Variants in DYRK1A observed in about 807,000 individuals in gnomAD.
DYRK1A encodes dual specificity tyrosine-phosphorylation-regulated kinase 1A.
Under a neutral mutation model 79.7 loss-of-function variants are expected in DYRK1A, and 9 were observed. The observed-to-expected ratio is 0.11, with a 90% confidence interval of 0.07 to 0.20. The LOEUF (loss-of-function observed/expected upper bound fraction) is 0.20, where lower values mean the gene tolerates loss of function less well. DYRK1A is among the 10% of genes least tolerant of loss of function. DYRK1A has a pLI of 1.00. For synonymous variants in DYRK1A, 349 were observed against 329.7 expected, an observed-to-expected ratio of 1.06 and a Z score of -0.63; for missense variants, 622 against 956.0, an observed-to-expected ratio of 0.65 and a Z score of 4.61.
chr21:37,415,096 A>C (rs1160035341), intron 1 of DYRK1A, among the ~76,000 whole-genome samples: 1 of 152,050 alleles, frequency 6.6e-6, no homozygotes, highest in African/African-American at 2.4e-5. Flanking sequence ...GTTTTCCTCT[A>C]TTTGTTGGTA....
intron 2 of DYRK1A, chr21:37,425,670 A>T (rs540400726): frequency 2.0e-5 from 3 of 152,196 alleles, no homozygotes; most frequent in African/African-American, 4.8e-5. Flanking sequence ...TAGTTTTAAA[A>T]TTTTCCCATT....
intron 2 of DYRK1A, among the ~76,000 whole-genome samples, chr21:37,434,723 ATATT>A (rs754428851): frequency 7.2e-5 from 11 of 152,310 alleles, no homozygotes; most frequent in Non-Finnish European, 1.5e-4. Context: ...TTGAAGCTAT[ATATT>A]AAAGTTTGTC....
intron 1 of DYRK1A, among the ~76,000 whole-genome samples, chr21:37,404,694 A>G (rs927724677): frequency 1.3e-5 from 2 of 152,196 alleles, no homozygotes; most frequent in Admixed American, 6.5e-5. Context: ...GTCTTGGGCT[A>G]CCATTTGTTG....
chr21:37,510,980 G>A (rs1249226850), intron 11 of DYRK1A, among the ~76,000 whole-genome samples: 2 of 152,122 alleles, frequency 1.3e-5, no homozygotes, highest in South Asian at 2.1e-4. Flanking sequence ...GAGTGGTCAG[G>A]GAAGGCTCTG....
chr21:37,376,790 C>T (rs2049550707), intron 1 of DYRK1A, among the ~76,000 whole-genome samples: 1 of 151,702 alleles, frequency 6.6e-6, no homozygotes, highest in South Asian at 2.1e-4. Flanking sequence ...CTAGGATATT[C>T]TAGTTTTTAA....
At chr21:37,478,130 A>G in intron 3 of DYRK1A, 78 bp from the exon 4 acceptor site, 1 of 1,587,410 alleles carries the variant, frequency 6.3e-7, no homozygotes, top group Middle Eastern at 1.7e-4. Context: ...GTTACAGAAG[A>G]GGGAATTTAT....
At chr21:37,398,207 A>C (rs2148396857) in intron 1 of DYRK1A, among the ~76,000 whole-genome samples, 1 of 151,498 alleles carries the variant, frequency 6.6e-6, no homozygotes, top group South Asian at 2.1e-4. Flanking sequence ...AGCCTGGCAC[A>C]GTGGCAGGCA....
At chr21:37,430,170 C>T (rs1437119971) in intron 2 of DYRK1A, 1 of 408,454 alleles carries the variant, frequency 2.4e-6, no homozygotes, top group Non-Finnish European at 3.3e-6. Context: ...TTCTTTTTAC[C>T]TCACAGCTGT....
chr21:37,480,509 G>GT, intron 4 of DYRK1A, 129 bp from the exon 5 acceptor site: 2 of 648,362 alleles, frequency 3.1e-6, no homozygotes, highest in South Asian at 3.4e-5. Flanking sequence ...TTTTTCATTG[G>GT]TTAGATCAGT....
At chr21:37,411,049 TAAAAAAAA>T (rs35292922) in intron 1 of DYRK1A, among the ~76,000 whole-genome samples, 24 of 56,442 alleles carry the variant, frequency 4.3e-4, no homozygotes, top group East Asian at 2.4e-3. Flanking sequence ...ATTCTGTCTT[TAAAAAAAA>T]AAAAAAAAAA....
At position 37,367,361 on chromosome 21, in the gene DYRK1A, G is replaced by C. The variant is rs1247096960; in HGVS notation, c.-344G>C. On this transcript the variant is annotated 5_prime_UTR_variant, in exon 1 of 12. Transcript: ENST00000647188. ...CGCCGCCCTCTGCGCCGGGCCGGCC[G>C]TGCGGCCCCGCCGCCTGGAATCGGG... 3.4e-5 allele frequency: 5 copies of C among 145,800 alleles called. No individual in the cohort carries two copies. Among genetic ancestry groups the C allele is most frequent in the African/African-American group, 1.0e-4 (4 of 40,032 alleles). The allele number at this position is 145,800 out of a possible 1,614,324, so 9.0% of individuals were successfully genotyped here. A position where few individuals can be genotyped will look rare whatever the true frequency, so the allele number is the denominator to read the frequency against.
intron 2 of DYRK1A, among the ~76,000 whole-genome samples, chr21:37,460,375 G>A (rs891743680): frequency 2.0e-5 from 3 of 152,086 alleles, no homozygotes; most frequent in East Asian, 3.8e-4. Flanking sequence ...AGGCAGTAGC[G>A]AACAAAAGGG....
At chr21:37,488,152 G>T (rs1020724752) in intron 6 of DYRK1A, 6 of 164,478 alleles carry the variant, frequency 3.6e-5, no homozygotes, top group African/African-American at 1.4e-4. Context: ...CTAGTATTTT[G>T]TTTTGAATAA....
intron 1 of DYRK1A, among the ~76,000 whole-genome samples, chr21:37,387,733 G>C (rs2049788128): frequency 1.3e-5 from 2 of 152,128 alleles, no homozygotes; most frequent in Non-Finnish European, 2.9e-5. Context: ...TGAGAAAAGG[G>C]TACATGGGAG....
chr21:37,514,618 C>G lies in DYRK1A; in HGVS notation c.*2087C>G, dbSNP rs2053848824. ...ATGTGAATGGAAACTTGGAAATACTCGTTTTTATAAACTACAAAAACTTTT... is the reference window on the plus strand; with the variant it reads ...ATGTGAATGGAAACTTGGAAATACTGGTTTTTATAAACTACAAAAACTTTT... On this transcript the variant is annotated 3_prime_UTR_variant, in exon 12 of 12. Coordinates refer to ENST00000647188, the MANE Select transcript of DYRK1A (RefSeq NM_001347721.2). 6.6e-6 allele frequency: 1 copy of G among 152,478 alleles called. No individual in the cohort carries two copies. The highest frequency in any genetic ancestry group is 2.1e-4 in the South Asian group (1 of 4,822). The allele number at this position is 152,478 out of a possible 1,614,324, so 9.4% of individuals were successfully genotyped here. A position where few individuals can be genotyped will look rare whatever the true frequency, so the allele number is the denominator to read the frequency against.
upstream of DYRK1A, among the ~76,000 whole-genome samples, chr21:37,366,711 G>T (rs1602335181): frequency 6.6e-6 from 1 of 152,102 alleles, no homozygotes; most frequent in East Asian, 2.0e-4. Context: ...GGGCTGGGGG[G>T]CGGGAGGAGG....
chr21:37,431,590 C>T (rs2050777162), intron 2 of DYRK1A, among the ~76,000 whole-genome samples: 1 of 152,310 alleles, frequency 6.6e-6, no homozygotes, highest in African/African-American at 2.4e-5. Flanking sequence ...CAGGGCCTTT[C>T]CTTGTCACCT....
At chr21:37,432,389 T>A (rs1015773199) in intron 2 of DYRK1A, among the ~76,000 whole-genome samples, 1 of 152,174 alleles carries the variant, frequency 6.6e-6, no homozygotes, top group African/African-American at 2.4e-5. Flanking sequence ...AGAAGCAGGA[T>A]TGCCCTTAGG....
intron 1 of DYRK1A, among the ~76,000 whole-genome samples, chr21:37,370,804 T>C (rs2049414427): frequency 6.6e-6 from 1 of 152,216 alleles, no homozygotes; most frequent in Admixed American, 6.5e-5. Context: ...TGTTCGTCTA[T>C]TTTCGATTTA....
Sources: allele counts gnomAD v4.1 joint callset (sites outside exome capture counted in the v4.1 genomes callset), GRCh38; gene constraint gnomAD v4.1.1; transcripts MANE v1.5; gene names NCBI Gene and HGNC (gene_info 2026-07-23, HGNC 2026-07-21).